Variants in THADA observed in about 807,000 individuals in gnomAD.
THADA encodes the protein tRNA (32-2'-O)-methyltransferase regulator THADA.
A neutral mutation model predicts 219.8 loss-of-function variants in THADA; 213 were observed. The ratio of observed to expected loss-of-function variants is 0.97; its 90% CI spans 0.87 to 1.09. The LOEUF (loss-of-function observed/expected upper bound fraction) is 1.09. THADA is among the 50% of genes least tolerant of loss of function. The pLI is 0.00. For synonymous variants in THADA, 1,018 were observed against 828.9 expected, an observed-to-expected ratio of 1.23 and a Z score of -3.92; for missense variants, 2,956 against 2,311.3, an observed-to-expected ratio of 1.28 and a Z score of -5.72.
At chr2:43,566,149 T>A (rs1369788141) in intron 15 of THADA, 10 of 319,478 alleles carry the variant, frequency 3.1e-5, no homozygotes, top group Non-Finnish European at 4.5e-5. Context: ...AAAAAAAAGA[T>A]TCAAAGAGGG....
rs772757802 is a variant in THADA, at chr2:43,293,029, G to A, written c.4623C>T (p.Val1541=). The part of the protein sequence containing the change: ...AAKSGERETN[V]PISFSQLLES... Reference sequence around the variant, plus strand: ...CTAACAGCTGAGAGAAAGAGATGGGGACATTCGTCTCCCGCTCTCCACTCT... The same window carrying A: ...CTAACAGCTGAGAGAAAGAGATGGGAACATTCGTCTCCCGCTCTCCACTCT... The change falls in exon 32 of 38, where the codon GTC becomes GTT. Residue 1541 remains valine, a synonymous_variant. Transcript: ENST00000405975. 6.2e-7 allele frequency: 1 copy of A among 1,613,978 alleles called. No homozygotes were observed. Among genetic ancestry groups the A allele is most frequent in the South Asian group, 1.1e-5 (1 of 91,082 alleles).
chr2:43,536,331 ACT>A (rs1251924864), intron 21 of THADA, among the ~76,000 whole-genome samples: 2 of 152,114 alleles, frequency 1.3e-5, no homozygotes, highest in African/African-American at 4.8e-5. Context: ...CCAGTACCAC[ACT>A]TTTTTGTTGC....
At chr2:43,450,350 A>G (rs1682157102) in intron 26 of THADA, among the ~76,000 whole-genome samples, 1 of 152,180 alleles carries the variant, frequency 6.6e-6, no homozygotes, top group Non-Finnish European at 1.5e-5. Flanking sequence ...TGACATCGGT[A>G]ACTGAAAGGG....
At chr2:43,309,074 G>A (rs960538089) in intron 31 of THADA, among the ~76,000 whole-genome samples, 47 of 152,276 alleles carry the variant, frequency 3.1e-4, no homozygotes, top group African/African-American at 1.1e-3. Context: ...ACATTTACCT[G>A]TATAAAGGGC....
rs920941663 is a variant in THADA at position 43,276,577 on chromosome 2, G to A, written c.5296+3188C>T. 5.3e-5 allele frequency among the ~76,000 whole-genome samples: 8 copies of A among 152,108 alleles called. No homozygotes were observed. The East Asian group carries it at 7.7e-4, about 15-fold the overall frequency. On this transcript the variant is annotated intron_variant, in intron 36 of 37. Transcript: ENST00000405975. ...ATTCTACAGGTTCCAGAAAGTGCCC[G>A]TGGGGACCGATAACTAGATCTGTTA...
chr2:43,360,188 T>A (rs1377355418), intron 29 of THADA, among the ~76,000 whole-genome samples: 1 of 152,216 alleles, frequency 6.6e-6, no homozygotes, highest in African/African-American at 2.4e-5. Context: ...ATAGCACTTA[T>A]CTGAACCACT....
At chr2:43,387,006 A>G (rs1672774801) in intron 29 of THADA, among the ~76,000 whole-genome samples, 1 of 152,130 alleles carries the variant, frequency 6.6e-6, no homozygotes, top group African/African-American at 2.4e-5. Context: ...AATATGGACA[A>G]AGCTTTATGC....
intron 26 of THADA, among the ~76,000 whole-genome samples, chr2:43,437,004 G>A (rs1215620857): frequency 1.3e-5 from 2 of 152,112 alleles, no homozygotes; most frequent in African/African-American, 2.4e-5. Flanking sequence ...TCTCCAAAAT[G>A]GGGTTATGCT....
intron 27 of THADA, among the ~76,000 whole-genome samples, chr2:43,429,765 T>C (rs1331475155): frequency 6.6e-6 from 1 of 151,762 alleles, no homozygotes; most frequent in African/African-American, 2.4e-5. Context: ...ATTTTTAAAA[T>C]ATAAAGACAG....
intron 21 of THADA, among the ~76,000 whole-genome samples, chr2:43,528,191 C>T (rs1693417493): frequency 7.5e-6 from 1 of 133,514 alleles, no homozygotes; most frequent in African/African-American, 3.0e-5. Context: ...AGTGCAGTGG[C>T]ACAGTCTCAG....
chr2:43,591,076 T>TG, intron 3 of THADA, 122 bp from the exon 4 acceptor site: 5 of 878,176 alleles, frequency 5.7e-6, no homozygotes, highest in Non-Finnish European at 8.4e-6. Context: ...ATCCCAACAC[T>TG]TTGGGAGGCT....
chr2:43,462,402 A>G (rs1240287774), intron 26 of THADA, among the ~76,000 whole-genome samples: 1 of 152,188 alleles, frequency 6.6e-6, no homozygotes, highest in African/African-American at 2.4e-5. Context: ...TCTCTAAATC[A>G]GGCTCTCCTA....
In THADA at chr2:43,232,694, CCT is replaced by C. The variant is rs1667582819; in HGVS notation, c.5466+17_5466+18del. The C allele has an allele frequency of 2.5e-6, 4 of 1,612,924 alleles. No homozygotes were observed. Among genetic ancestry groups the C allele is most frequent in the African/African-American group, 1.3e-5 (1 of 75,022 alleles). ...ACACTCCAACCCTGCCTCCTACTCC[CCT>C]GACACCCCGGGATCACCTGATGCAT... On this transcript the variant is annotated intron_variant, in intron 37 of 37. Transcript: ENST00000405975.
intron 26 of THADA, among the ~76,000 whole-genome samples, chr2:43,475,558 T>C (rs891678483): frequency 6.6e-6 from 1 of 152,216 alleles, no homozygotes; most frequent in Non-Finnish European, 1.5e-5. Context: ...AAAAACAATG[T>C]TAACATTCTG....
At chr2:43,471,899 T>C (rs1035623992) in intron 26 of THADA, among the ~76,000 whole-genome samples, 30 of 152,220 alleles carry the variant, frequency 2.0e-4, no homozygotes, top group Non-Finnish European at 1.5e-4. Flanking sequence ...CTGCACTAAG[T>C]CTGGCATACA....
intron 31 of THADA, among the ~76,000 whole-genome samples, chr2:43,298,961 T>A (rs550045501): frequency 6.6e-6 from 1 of 152,162 alleles, no homozygotes; most frequent in African/African-American, 2.4e-5. Flanking sequence ...CAAAATGCTC[T>A]AAGATCGGAA....
At chr2:43,458,824 G>A (rs1213090821) in intron 26 of THADA, among the ~76,000 whole-genome samples, 3 of 152,094 alleles carry the variant, frequency 2.0e-5, no homozygotes, top group Non-Finnish European at 4.4e-5. Flanking sequence ...ATGTATATAT[G>A]TGGTTATGTA....
At chr2:43,351,612 C>T (rs1668270579) in intron 29 of THADA, among the ~76,000 whole-genome samples, 1 of 152,220 alleles carries the variant, frequency 6.6e-6, no homozygotes, top group Admixed American at 6.5e-5. Flanking sequence ...TCAATCTATA[C>T]TATCCTTTTC....
In THADA at chr2:43,298,448, A is replaced by C. The variant is rs1675851351; in HGVS notation, c.4439-5235T>G. Among the ~76,000 whole-genome samples, 4 of 132,282 alleles carry C rather than the reference A, an allele frequency of 3.0e-5. No homozygotes were observed. In the South Asian group the frequency reaches 1.1e-3, roughly 36 times the overall value. The allele number at this position is 132,282 out of a possible 152,430, so 86.8% of individuals were successfully genotyped here. Reference sequence around the variant, plus strand: ...ACTCCCTAATCTCAAGTAATCAGGGACACAAACACTGCGGAAGGCCGCAGG... The same window carrying C: ...ACTCCCTAATCTCAAGTAATCAGGGCCACAAACACTGCGGAAGGCCGCAGG... On this transcript the variant is annotated intron_variant, in intron 31 of 37. Transcript: ENST00000405975.
Sources: gnomAD v4.1 joint callset for allele counts (sites outside exome capture counted in the v4.1 genomes callset) on GRCh38, gnomAD v4.1.1 for gene constraint, MANE v1.5 for transcripts, NCBI Gene and HGNC (gene_info 2026-07-23, HGNC 2026-07-21) for gene names.